The following NDST4 variants were observed in gnomAD, a reference collection of about 807,000 sequenced individuals.
The protein encoded by NDST4 is N-heparan sulfate sulfotransferase 4.
NDST4 carries 63 observed loss-of-function variants against 100.8 expected under a neutral mutation model. The ratio of observed to expected loss-of-function variants is 0.62; its 90% CI spans 0.51 to 0.77. The LOEUF is 0.77. Among genes scored for constraint, NDST4 ranks in the 30% least tolerant of loss-of-function variants. The probability of loss-of-function intolerance (pLI) is 0.00; values close to 1 mark genes in which losing one functional copy is unlikely to be tolerated. For synonymous variants in NDST4, 377 were observed against 361.8 expected, an observed-to-expected ratio of 1.04 and a Z score of -0.48; for missense variants, 943 against 1,018.4, an observed-to-expected ratio of 0.93 and a Z score of 1.01.
At chr4:114,849,770 C>T (rs564623544) in intron 8 of NDST4, among the ~76,000 whole-genome samples, 120 of 152,020 alleles carry the variant, frequency 7.9e-4, no homozygotes, top group African/African-American at 2.3e-3. Flanking sequence ...TCGAATTATA[C>T]AAACTTGATT....
rs562374328 is a variant in NDST4 at position 114,926,879 on chromosome 4, C to G, written c.1536+8327G>C. Among the ~76,000 whole-genome samples, 5 of 152,168 alleles carry G rather than the reference C, an allele frequency of 3.3e-5. No homozygotes were observed. The East Asian group carries it at 9.6e-4, about 29-fold the overall frequency. The stretch of plus-strand genomic sequence containing the variant: ...GTTGTTGATTCTATTTTAAAGTACT[C>G]TAGAGGGGAAAATTCCAGGACATTC... On this transcript the variant is annotated intron_variant, in intron 6 of 13. Transcript: ENST00000264363.
intron 2 of NDST4, among the ~76,000 whole-genome samples, chr4:115,040,854 A>T (rs549203338): frequency 2.3e-4 from 35 of 151,544 alleles, no homozygotes; most frequent in Middle Eastern, 3.5e-3. Context: ...ATATGTGCAT[A>T]TATATATATA....
At chr4:115,065,778 C>T (rs1728933450) in intron 2 of NDST4, among the ~76,000 whole-genome samples, 1 of 152,136 alleles carries the variant, frequency 6.6e-6, no homozygotes, top group African/African-American at 2.4e-5. Flanking sequence ...CGTTCTATAA[C>T]AGAATAGGGG....
At chr4:115,008,507 C>T (rs1369808445) in intron 2 of NDST4, among the ~76,000 whole-genome samples, 1 of 128,348 alleles carries the variant, frequency 7.8e-6, no homozygotes, top group Non-Finnish European at 1.7e-5. Flanking sequence ...TTAAAACTCT[C>T]AATAAATTAG....
At chr4:114,997,475 T>C (rs927658578) in intron 2 of NDST4, among the ~76,000 whole-genome samples, 1 of 152,044 alleles carries the variant, frequency 6.6e-6, no homozygotes, top group Admixed American at 6.6e-5. Flanking sequence ...CTGTTTTAAT[T>C]GGTTGGTGAT....
chr4:114,909,213 T>C (rs1446061807), intron 6 of NDST4, among the ~76,000 whole-genome samples: 1 of 152,202 alleles, frequency 6.6e-6, no homozygotes, highest in Non-Finnish European at 1.5e-5. Flanking sequence ...ATGACCAAGA[T>C]AATTAAAAAG....
chr4:114,893,274 T>A (rs1189833063), intron 6 of NDST4, among the ~76,000 whole-genome samples: 1 of 152,224 alleles, frequency 6.6e-6, no homozygotes, highest in African/African-American at 2.4e-5. Flanking sequence ...ATGGGATTGC[T>A]GGGTCAAATG....
At chr4:115,102,406 T>C (rs1729748774) in intron 1 of NDST4, among the ~76,000 whole-genome samples, 1 of 152,118 alleles carries the variant, frequency 6.6e-6, no homozygotes, top group Non-Finnish European at 1.5e-5. Flanking sequence ...AAGTTTAATT[T>C]CAAGAAATCA....
chr4:114,845,173 T>A (rs1723517811), intron 10 of NDST4, among the ~76,000 whole-genome samples: 1 of 151,900 alleles, frequency 6.6e-6, no homozygotes, highest in African/African-American at 2.4e-5. Context: ...CTACAAAAAA[T>A]ATAAAACAAA....
chr4:114,935,131 A>C, intron 6 of NDST4, 75 bp downstream of exon 6: 1 of 1,141,098 alleles, frequency 8.8e-7, no homozygotes. Flanking sequence ...AATATGATTT[A>C]GTTTAAAAGA....
At position 114,935,340 on chromosome 4, in the gene NDST4, T is replaced by TA; in HGVS notation, c.1408-7dup. ...CAAGTCTGTCGAGGGAGGACCTGAG[T>TA]AAAAAAGGGGAAAAACAGCACATGG... On this transcript the variant is annotated splice_region_variant and splice_polypyrimidine_tract_variant and intron_variant, in intron 5 of 13. Transcript: ENST00000264363. 4 of 1,561,188 alleles carry TA rather than the reference T, an allele frequency of 2.6e-6. No homozygotes were observed. Among genetic ancestry groups the TA allele is most frequent in the East Asian group, 2.4e-5 (1 of 42,118 alleles).
intron 4 of NDST4, among the ~76,000 whole-genome samples, chr4:114,959,381 G>A (rs1271599608): frequency 6.6e-6 from 1 of 151,412 alleles, no homozygotes; most frequent in Non-Finnish European, 1.5e-5. Flanking sequence ...CCAAGATGGG[G>A]TAATTTGTAA....
intron 2 of NDST4, among the ~76,000 whole-genome samples, chr4:114,981,457 C>T (rs1726770994): frequency 6.6e-6 from 1 of 152,098 alleles, no homozygotes; most frequent in African/African-American, 2.4e-5. Context: ...CAAATGTGCA[C>T]TTCATCATAT....
At chr4:115,052,600 T>G (rs1208595732) in intron 2 of NDST4, among the ~76,000 whole-genome samples, 1 of 151,980 alleles carries the variant, frequency 6.6e-6, no homozygotes, top group Non-Finnish European at 1.5e-5. Flanking sequence ...CAAGCTCTCT[T>G]GCCTGCCCTC....
At chr4:114,984,664 A>G (rs1726859318) in intron 2 of NDST4, among the ~76,000 whole-genome samples, 1 of 152,298 alleles carries the variant, frequency 6.6e-6, no homozygotes, top group South Asian at 2.1e-4. Flanking sequence ...TTATGGAAAG[A>G]TTAAATAGTC....
chr4:114,902,155 C>T (rs1031869571), intron 6 of NDST4, among the ~76,000 whole-genome samples: 3 of 151,958 alleles, frequency 2.0e-5, no homozygotes, highest in Non-Finnish European at 4.4e-5. Flanking sequence ...TTTAATTTTA[C>T]ACACTTATTT....
intron 6 of NDST4, among the ~76,000 whole-genome samples, chr4:114,889,179 C>A (rs1393653260): frequency 1.3e-5 from 2 of 152,160 alleles, no homozygotes; most frequent in Non-Finnish European, 2.9e-5. Flanking sequence ...AAGCTGCCTA[C>A]TTTGCTACCA....
chr4:115,055,864 C>T (rs1020399356), intron 2 of NDST4, among the ~76,000 whole-genome samples: 25 of 152,042 alleles, frequency 1.6e-4, no homozygotes, highest in Admixed American at 5.2e-4. Context: ...GCAGATAATC[C>T]CATATTCATT....
chr4:114,959,770 G>C (rs1014970003), intron 4 of NDST4, among the ~76,000 whole-genome samples: 2 of 152,060 alleles, frequency 1.3e-5, no homozygotes, highest in Admixed American at 1.3e-4. Flanking sequence ...AAAAATGAAT[G>C]ACCAGAGCCT....
Sources: allele counts gnomAD v4.1 joint callset (sites outside exome capture counted in the v4.1 genomes callset), GRCh38; gene constraint gnomAD v4.1.1; transcripts MANE v1.5; gene names NCBI Gene and HGNC (gene_info 2026-07-23, HGNC 2026-07-21).